EP400: variants seen among roughly 807,000 people sequenced by gnomAD.
The protein encoded by EP400 is E1A-binding protein p400.
Under a neutral mutation model 354.1 loss-of-function variants are expected in EP400, and 105 were observed. That is an observed-to-expected ratio of 0.30 (90% CI 0.25 to 0.35). EP400 has a LOEUF of 0.35. EP400 is among the 10% of genes least tolerant of loss of function. EP400 has a pLI of 1.00. For synonymous variants in EP400, 1,646 were observed against 1,716.9 expected, an observed-to-expected ratio of 0.96 and a Z score of 1.02; for missense variants, 3,280 against 4,121.0, an observed-to-expected ratio of 0.80 and a Z score of 5.59.
chr12:132,054,308 T>A lies in EP400; in HGVS notation c.7729-666T>A, dbSNP rs1895410000. Among the ~76,000 whole-genome samples the A allele has an allele frequency of 6.6e-6, 1 of 152,240 alleles. No homozygotes were observed. The highest frequency in any genetic ancestry group is 2.1e-4 in the South Asian group (1 of 4,838). ...CTGCAGTAGTTTTTAGAAAATTGTT[T>A]GCTGTAGTGGAATTTTTATATGTAC... is the stretch of plus-strand genomic sequence containing the variant. On this transcript the variant is annotated intron_variant, in intron 43 of 52. Transcript: ENST00000389561. This position sits in a 1 kb window ranked among gnomAD's most constrained non-coding sequence, Gnocchi z 4.0.
intron 41 of EP400, among the ~76,000 whole-genome samples, chr12:132,051,820 G>A (rs926407081): frequency 6.6e-6 from 1 of 152,066 alleles, no homozygotes; most frequent in Non-Finnish European, 1.5e-5. Flanking sequence ...TGGGGAAAGG[G>A]AGACTCCCTT....
intron 2 of EP400, among the ~76,000 whole-genome samples, chr12:131,972,123 G>A (rs1455150496): frequency 6.6e-6 from 1 of 151,296 alleles, no homozygotes; most frequent in Non-Finnish European, 1.5e-5. Context: ...AAAATTCAGC[G>A]TGAGTTTTAT....
chr12:131,991,282 A>C (rs1893025229), intron 9 of EP400, 125 bp from the exon 10 acceptor site: 6 of 863,118 alleles, frequency 7.0e-6, no homozygotes, highest in Non-Finnish European at 1.2e-5. Context: ...ATGAGGAGGC[A>C]GAACTCACGC....
Position 132,064,724 on chromosome 12 carries a change from G to A in EP400, c.8391G>A (p.Pro2797=), listed in dbSNP as rs144085795. Reference sequence around the variant, plus strand: ...TGCAGATGCCCCCGCAGCCCCCACCGCCACAGGCCCAGTCTGCGCCCCCGC... The same window carrying A: ...TGCAGATGCCCCCGCAGCCCCCACCACCACAGGCCCAGTCTGCGCCCCCGC... The part of the protein sequence containing the change: ...QKLQMPPQPP[P]PQAQSAPPQP... Residue 2797 remains proline, a synonymous_variant, in exon 48 of 53, where the codon CCG becomes CCA. Coordinates refer to ENST00000389561, the MANE Select transcript of EP400 (RefSeq NM_015409.5). 9.2e-4 allele frequency: 1,477 copies of A among 1,613,572 alleles called. 16 individuals carry two copies. The East Asian group carries it at 0.021, about 23-fold the overall frequency.
chr12:131,978,686 A>G (rs1183692292), intron 2 of EP400, among the ~76,000 whole-genome samples: 2 of 151,390 alleles, frequency 1.3e-5, no homozygotes, highest in African/African-American at 2.4e-5. Flanking sequence ...TTTAATTTTT[A>G]TTTTTTTGTA....
intron 32 of EP400, among the ~76,000 whole-genome samples, chr12:132,041,796 T>C (rs563208014): frequency 6.6e-6 from 1 of 152,334 alleles, no homozygotes; most frequent in South Asian, 2.1e-4. Flanking sequence ...GAATGTGGGA[T>C]AGTCTCATTG....
In EP400 at chr12:132,071,350, C is replaced by A. The variant is rs542253853; in HGVS notation, c.9021+1709C>A. ...CTGAGTTCCAGATTCTTCATCCTAC[C>A]TGCCTTTGACAGATCCATGGAGATG... On this transcript the variant is annotated intron_variant, in intron 51 of 52. Transcript: ENST00000389561. Among the ~76,000 whole-genome samples, 12 of 152,276 alleles carry A rather than the reference C, an allele frequency of 7.9e-5. No individual in the cohort carries two copies. In the South Asian group the frequency reaches 2.5e-3, roughly 32 times the overall value.
chr12:131,991,383 G>T, intron 9 of EP400, 24 bp from the exon 10 acceptor site: 3 of 1,613,516 alleles, frequency 1.9e-6, no homozygotes, highest in Non-Finnish European at 2.5e-6. Flanking sequence ...CCTTGGGAAC[G>T]AACTGTGCTC....
chr12:132,019,562 G>A (rs1894056331), intron 21 of EP400, among the ~76,000 whole-genome samples: 1 of 152,044 alleles, frequency 6.6e-6, no homozygotes, highest in African/African-American at 2.4e-5. Flanking sequence ...TCAAATCCAG[G>A]CGTGGTGGTG....
intron 15 of EP400, among the ~76,000 whole-genome samples, chr12:132,007,984 G>A (rs1893641790): frequency 6.6e-6 from 1 of 151,472 alleles, no homozygotes; most frequent in South Asian, 2.1e-4. Flanking sequence ...TTTCACTCTT[G>A]TTGCCCAGGC....
chr12:132,032,191 T>A, intron 30 of EP400, 42 bp downstream of exon 30: 1 of 1,584,004 alleles, frequency 6.3e-7, no homozygotes, highest in Non-Finnish European at 8.6e-7. Flanking sequence ...TGCAAAGACA[T>A]CCACATATAC....
At chr12:132,043,944 C>T (rs961237158) in intron 34 of EP400, among the ~76,000 whole-genome samples, 2 of 152,214 alleles carry the variant, frequency 1.3e-5, no homozygotes, top group Non-Finnish European at 2.9e-5. Context: ...GTTCTCCCCT[C>T]GTAGGGACCG....
In EP400 at chr12:131,986,989, G is replaced by T. The variant is rs568171524; in HGVS notation, c.2223+182G>T. 5.3e-5 allele frequency among the ~76,000 whole-genome samples: 8 copies of T among 152,326 alleles called. No homozygotes were observed. The South Asian group carries it at 1.7e-3, about 32-fold the overall frequency. ...TTCTGTTGGAAGCAGACTCATGGGG[G>T]CAGTCTGCGTTTTTGTGATAAAGCC... On this transcript the variant is annotated intron_variant, in intron 6 of 52. Coordinates refer to ENST00000389561, the MANE Select transcript of EP400 (RefSeq NM_015409.5).
intron 1 of EP400, among the ~76,000 whole-genome samples, chr12:131,953,490 T>C (rs1440451442): frequency 6.6e-6 from 1 of 152,194 alleles, no homozygotes; most frequent in Non-Finnish European, 1.5e-5. Flanking sequence ...ATTGGAGACA[T>C]TGAGGGGAGG....
In EP400 at chr12:132,044,167, T is replaced by TC. The variant is rs1012354925; in HGVS notation, c.6451-6dup. ...CTGATCCTGAAAGTTCTTGCTGCTC[T>TC]CCCCGTCAGGACGCAGTGATGACTG... On this transcript the variant is annotated splice_polypyrimidine_tract_variant and intron_variant, in intron 34 of 52. Coordinates refer to ENST00000389561, the MANE Select transcript of EP400 (RefSeq NM_015409.5). The TC allele has an allele frequency of 3.1e-6, 5 of 1,612,796 alleles. No homozygotes were observed. The highest frequency in any genetic ancestry group is 4.2e-6 in the Non-Finnish European group (5 of 1,179,068).
At chr12:131,957,867 A>G (rs565823253) in intron 1 of EP400, among the ~76,000 whole-genome samples, 1 of 152,316 alleles carries the variant, frequency 6.6e-6, no homozygotes, top group Admixed American at 6.5e-5. Context: ...AAGTGCTGGG[A>G]TTACAGGCAT....
At chr12:131,991,576 CTTTTTT>C (rs878864752) in intron 10 of EP400, 120 bp downstream of exon 10, 2 of 593,254 alleles carry the variant, frequency 3.4e-6, no homozygotes, top group African/African-American at 2.2e-5. Context: ...CCTTTCTTTT[CTTTTTT>C]TTTTTTTTTT....
chr12:132,044,770 C>T (rs1188064852), intron 36 of EP400, 30 bp from the exon 37 acceptor site: 4 of 1,614,002 alleles, frequency 2.5e-6, no homozygotes, highest in Non-Finnish European at 3.4e-6. Context: ...GTGAGTTCCA[C>T]ATCTCATGGG....
In EP400 at chr12:132,017,835, G is replaced by T; in HGVS notation, c.4110+114G>T. 1 of 1,167,704 alleles carries T rather than the reference G, an allele frequency of 8.6e-7. No homozygotes were observed. Among genetic ancestry groups the T allele is most frequent in the Non-Finnish European group, 1.2e-6 (1 of 850,884 alleles). 72.3% of individuals were successfully genotyped at this position (1,167,704 alleles called of 1,614,324 possible). A position where few individuals can be genotyped will look rare whatever the true frequency, so the allele number is the denominator to read the frequency against. The stretch of plus-strand genomic sequence containing the variant: ...AACCAGCTCTTCTGCAATTGCAATT[G>T]CAGCTCCGCGATACATGGCACCGTC... On this transcript the variant is annotated intron_variant, in intron 20 of 52. Coordinates refer to ENST00000389561, the MANE Select transcript of EP400 (RefSeq NM_015409.5). The surrounding 1 kb of genome is among the most constrained non-coding windows in gnomAD (Gnocchi z 5.0).
Sources: gnomAD v4.1 joint callset for allele counts (sites outside exome capture counted in the v4.1 genomes callset) on GRCh38, gnomAD v4.1.1 for gene constraint, Gnocchi (gnomAD v3.1) non-coding constraint, MANE v1.5 for transcripts, NCBI Gene and HGNC (gene_info 2026-07-23, HGNC 2026-07-21) for gene names.